The following SIRT4 variants were observed in gnomAD, a reference collection of about 807,000 sequenced individuals.
The protein encoded by SIRT4 is sirtuin 4.
SIRT4 carries 23 observed loss-of-function variants against 26.1 expected under a neutral mutation model. The observed-to-expected ratio is 0.88, with a 90% confidence interval of 0.63 to 1.25. The LOEUF is 1.25. Among genes scored for constraint, SIRT4 ranks in the 50% most tolerant of loss-of-function variants. The pLI is 0.00. For missense variants in SIRT4, 361 were observed against 405.4 expected (o/e 0.89, Z 0.94); for synonymous variants, 155 against 158.4 (o/e 0.98, Z 0.16).
the SIRT4 span, among the ~76,000 whole-genome samples, chr12:120,295,552 G>A: frequency 3.3e-5 from 5 of 150,438 alleles, no homozygotes; most frequent in South Asian, 4.2e-4. Flanking sequence ...GTGAGCCACC[G>A]CGCCTGGCCC....
chr12:120,293,046 C>G, the SIRT4 span: 1 of 149,598 alleles, frequency 6.7e-6, no homozygotes, highest in East Asian at 2.0e-4. Context: ...AAACCAAGCA[C>G]CCCCACACAC....
At chr12:120,302,090 C>G (rs890421064), upstream of SIRT4, among the ~76,000 whole-genome samples, 1 of 150,088 alleles carries the variant, frequency 6.7e-6, no homozygotes, top group Non-Finnish European at 1.5e-5. Flanking sequence ...GAAAAAAAAT[C>G]TTATGTACAC....
At chr12:120,305,743 C>T (rs952540522) in intron 2 of SIRT4, among the ~76,000 whole-genome samples, 29 of 151,984 alleles carry the variant, frequency 1.9e-4, no homozygotes, top group Non-Finnish European at 3.5e-4. Flanking sequence ...CTGGGCGCGG[C>T]GGCTCACGCC....
chr12:120,309,713 T>C (rs895608555), intron 2 of SIRT4, among the ~76,000 whole-genome samples: 2 of 146,044 alleles, frequency 1.4e-5, no homozygotes, highest in African/African-American at 5.0e-5. Flanking sequence ...GTGCCCGCTT[T>C]CTTTTTTTTT....
At chr12:120,309,413 CTT>C (rs1217829590) in intron 2 of SIRT4, among the ~76,000 whole-genome samples, 18 of 135,594 alleles carry the variant, frequency 1.3e-4, no homozygotes, top group Admixed American at 2.2e-4. Context: ...TTTTTCTTTT[CTT>C]TTTTTTTTTT....
upstream of SIRT4, among the ~76,000 whole-genome samples, chr12:120,299,497 A>T (rs191095872): frequency 4.0e-3 from 589 of 147,158 alleles, 7 homozygotes; most frequent in South Asian, 4.1e-3. Flanking sequence ...GGCTTCAGTG[A>T]GTGAAGATCG....
the SIRT4 span, among the ~76,000 whole-genome samples, chr12:120,292,720 G>A: frequency 6.8e-6 from 1 of 148,034 alleles, no homozygotes; most frequent in African/African-American, 2.5e-5. Context: ...TTTCACAAAC[G>A]GAAATCGCTA....
At chr12:120,312,858 C>G in intron 3 of SIRT4, 26 bp from the exon 4 acceptor site, 2 of 1,613,580 alleles carry the variant, frequency 1.2e-6, no homozygotes, top group Non-Finnish European at 1.7e-6. Context: ...CCTAGACATT[C>G]TTATGTGTGT....
intron 2 of SIRT4, among the ~76,000 whole-genome samples, chr12:120,312,109 A>G (rs532964585): frequency 3.1e-3 from 473 of 151,974 alleles, no homozygotes; most frequent in Non-Finnish European, 5.6e-3. Context: ...ACAGTGAAAC[A>G]CCGTCTCTAC....
At chr12:120,304,215 A>G in intron 2 of SIRT4, 157 bp downstream of exon 2, 1 of 568,754 alleles carries the variant, frequency 1.8e-6, no homozygotes, top group Non-Finnish European at 2.2e-6. Flanking sequence ...TCATTGACGG[A>G]GCAAGGATGT....
chr12:120,308,076 C>T (rs866393940), intron 2 of SIRT4, among the ~76,000 whole-genome samples: 3 of 151,118 alleles, frequency 2.0e-5, no homozygotes, highest in Non-Finnish European at 2.9e-5. Flanking sequence ...AGTCTGGTCT[C>T]GAACTCCTAA....
chr12:120,298,783 C>G (rs982326719), upstream of SIRT4, among the ~76,000 whole-genome samples: 3 of 146,344 alleles, frequency 2.0e-5, no homozygotes, highest in South Asian at 2.2e-4. Context: ...GGCGGGCACC[C>G]GTAATCCCAG....
At chr12:120,304,593 G>C (rs898163768) in intron 2 of SIRT4, among the ~76,000 whole-genome samples, 1 of 150,862 alleles carries the variant, frequency 6.6e-6, no homozygotes, top group African/African-American at 2.4e-5. Context: ...GCTGCAGTGA[G>C]CCGAGATTGC....
At chr12:120,291,868 A>C in the SIRT4 span, 2 of 152,078 alleles carry the variant, frequency 1.3e-5, no homozygotes, top group African/African-American at 2.4e-5. Flanking sequence ...CCTCGGATAA[A>C]CCTCATTGGC....
the SIRT4 span, among the ~76,000 whole-genome samples, chr12:120,296,289 C>T: frequency 6.6e-6 from 1 of 151,284 alleles, no homozygotes; most frequent in Non-Finnish European, 1.5e-5. Context: ...GCAATCTCGG[C>T]TCACTGCGAG....
intron 2 of SIRT4, among the ~76,000 whole-genome samples, chr12:120,306,882 T>C (rs1011067820): frequency 1.3e-5 from 2 of 152,154 alleles, no homozygotes; most frequent in Admixed American, 6.6e-5. Context: ...TGAACACCAA[T>C]AGCATGTGCT....
chr12:120,313,216 T>C lies in SIRT4; in HGVS notation c.*180T>C. On this transcript the variant is annotated 3_prime_UTR_variant, in exon 4 of 4. Transcript: ENST00000202967. ...GATATTCTTAATTAAAACTCATTTTTTTTAAATAAAAAATTGTTCAGCTTT... is the reference window on the plus strand; with the variant it reads ...GATATTCTTAATTAAAACTCATTTTCTTTAAATAAAAAATTGTTCAGCTTT... 1 of 664,412 alleles carries C rather than the reference T, an allele frequency of 1.5e-6. No homozygotes were observed. Among genetic ancestry groups the C allele is most frequent in the Admixed American group, 3.1e-5 (1 of 32,330 alleles). 41.2% of individuals were successfully genotyped at this position (664,412 alleles called of 1,614,324 possible).
chr12:120,296,090 A>AT, the SIRT4 span, among the ~76,000 whole-genome samples: 1 of 134,502 alleles, frequency 7.4e-6, no homozygotes, highest in African/African-American at 2.5e-5. Flanking sequence ...CCGTCTCAAA[A>AT]AAAAAAAAAA....
rs1190804271 is a variant in SIRT4, at chr12:120,303,839, G to C, written c.278G>C (p.Gly93Ala). Residue 93 changes from glycine (G) to alanine (A), a missense_variant, in exon 2 of 4, where the codon GGT (glycine) becomes GCT (alanine). Transcript: ENST00000202967. ...ARTDRRPIQH[G>A]DFVRSAPIRQ... ...ACTGACCGCAGGCCCATCCAGCATG[G>C]TGATTTTGTCCGGAGTGCCCCAATC... The C allele has an allele frequency of 3.1e-6, 5 of 1,614,054 alleles. No individual in the cohort carries two copies. The East Asian group carries it at 1.1e-4, about 36-fold the overall frequency.
Sources: gnomAD v4.1 joint callset for allele counts (sites outside exome capture counted in the v4.1 genomes callset) on GRCh38, gnomAD v4.1.1 for gene constraint, MANE v1.5 for transcripts, NCBI Gene and HGNC (gene_info 2026-07-23, HGNC 2026-07-21) for gene names.